Variants in DENND1B observed in about 807,000 individuals in gnomAD.
DENND1B encodes the protein DENN domain containing 1B, also known as DENN domain-containing protein 1B.
Under a neutral mutation model 90.1 loss-of-function variants are expected in DENND1B, and 59 were observed. The observed-to-expected ratio is 0.65, with a 90% CI of 0.53 to 0.81. DENND1B has a LOEUF of 0.81. DENND1B is among the 40% of genes least tolerant of loss of function. DENND1B has a pLI of 0.00. For missense variants in DENND1B, 862 were observed against 912.6 expected (o/e 0.94, Z 0.71); for synonymous variants, 337 against 324.6 (o/e 1.04, Z -0.41).
Position 197,772,650 on chromosome 1 carries a change from T to C in DENND1B, c.82+218A>G, listed in dbSNP as rs188458559. On this transcript the variant is annotated intron_variant, in intron 2 of 22. Transcript: ENST00000620048. ...CCAGCCTGGGCAACGTGGTGAACCC[T>C]GTCTCCACAAAAAAATATACAAAAA... is the stretch of plus-strand genomic sequence containing the variant. Among the ~76,000 whole-genome samples, 601 of 152,258 alleles carry C rather than the reference T, an allele frequency of 3.9e-3. 3 individuals carry two copies. The highest frequency in any genetic ancestry group is 0.014 in the African/African-American group (574 of 41,544).
chr1:197,583,066 G>C, intron 15 of DENND1B, 86 bp downstream of exon 15: 15 of 1,249,630 alleles, frequency 1.2e-5, no homozygotes, highest in Non-Finnish European at 1.6e-5. Flanking sequence ...TGCTACTCAG[G>C]GTTTGTACAT....
intron 2 of DENND1B, among the ~76,000 whole-genome samples, chr1:197,759,397 CAT>C (rs1654726588): frequency 6.7e-6 from 1 of 149,194 alleles, no homozygotes. Context: ...TTTAAAGTAA[CAT>C]AAAAATATTA....
intron 18 of DENND1B, among the ~76,000 whole-genome samples, chr1:197,543,368 C>T (rs1352763948): frequency 3.3e-5 from 5 of 151,976 alleles, no homozygotes; most frequent in South Asian, 2.1e-4. Context: ...TTCATTGCTG[C>T]GCTTTTGTGA....
chr1:197,778,118 T>C (rs1279873390), upstream of DENND1B, among the ~76,000 whole-genome samples: 1 of 152,228 alleles, frequency 6.6e-6, no homozygotes, highest in East Asian at 1.9e-4. Flanking sequence ...AATTTCTATA[T>C]CTACCTAATA....
chr1:197,660,426 C>A (rs1654295950), intron 5 of DENND1B, among the ~76,000 whole-genome samples: 1 of 151,930 alleles, frequency 6.6e-6, no homozygotes, highest in African/African-American at 2.4e-5. Flanking sequence ...TATCATATAG[C>A]TATAGTCATT....
At position 197,652,252 on chromosome 1, in the gene DENND1B, G is replaced by A. The variant is rs1420223535; in HGVS notation, c.430C>T (p.Pro144Ser). 4 of 1,609,902 alleles carry A rather than the reference G, an allele frequency of 2.5e-6. No individual in the cohort carries two copies. Among genetic ancestry groups the A allele is most frequent in the Admixed American group, 3.4e-5 (2 of 59,302 alleles). Residue 144 changes from proline (P) to serine (S), a missense_variant, in exon 7 of 23, where the codon CCT becomes TCT. Physicochemically the swap from Pro to Ser is moderately conservative, Grantham distance 74. Transcript: ENST00000620048. ...ATACTTACCACACTCAAATTTACAG[G>A]AGTATTTGCCTTTGGTACTGGGTGG... is the stretch of plus-strand genomic sequence containing the variant. ...YNHPVPKANTPVNLSVNQEIF... is the reference protein window; with the variant it reads ...YNHPVPKANTSVNLSVNQEIF...
intron 14 of DENND1B, among the ~76,000 whole-genome samples, chr1:197,587,763 A>G (rs1328380594): frequency 2.6e-5 from 4 of 152,082 alleles, no homozygotes; most frequent in Non-Finnish European, 4.4e-5. Context: ...TGTGTACTTT[A>G]TTTATATTAT....
At chr1:197,701,812 G>GT (rs1226704411) in intron 3 of DENND1B, among the ~76,000 whole-genome samples, 9 of 152,050 alleles carry the variant, frequency 5.9e-5, no homozygotes, top group African/African-American at 1.7e-4. Context: ...TTAAAATTTG[G>GT]TAAAATTTTT....
At chr1:197,599,299 A>T (rs1364234616) in intron 13 of DENND1B, among the ~76,000 whole-genome samples, 1 of 151,858 alleles carries the variant, frequency 6.6e-6, no homozygotes, top group Admixed American at 6.6e-5. Context: ...TTTAGATGTG[A>T]TTTCTAGATA....
intron 10 of DENND1B, among the ~76,000 whole-genome samples, chr1:197,626,335 G>C (rs1277656361): frequency 2.0e-5 from 3 of 152,112 alleles, no homozygotes; most frequent in Non-Finnish European, 4.4e-5. Flanking sequence ...TCAGACCACA[G>C]GGCAATCGAA....
At chr1:197,525,618 C>CA (rs1369914044) in intron 20 of DENND1B, among the ~76,000 whole-genome samples, 1 of 152,016 alleles carries the variant, frequency 6.6e-6, no homozygotes, top group Non-Finnish European at 1.5e-5. Flanking sequence ...ATATTATTTT[C>CA]AATCACCTTA....
At chr1:197,601,328 A>G (rs1419039430) in intron 13 of DENND1B, among the ~76,000 whole-genome samples, 2 of 151,744 alleles carry the variant, frequency 1.3e-5, no homozygotes, top group African/African-American at 4.8e-5. Context: ...AGTATCTGTG[A>G]TGGTGCTCAG....
intron 16 of DENND1B, among the ~76,000 whole-genome samples, chr1:197,548,111 G>T (rs144860953): frequency 7.2e-5 from 11 of 152,256 alleles, no homozygotes; most frequent in Non-Finnish European, 1.3e-4. Context: ...GAACCACAAA[G>T]AAACTAGCTA....
intron 2 of DENND1B, among the ~76,000 whole-genome samples, chr1:197,754,659 C>CAAAAAAAAAAAAAAAAAAA (rs57926782): frequency 1.6e-4 from 12 of 72,880 alleles, no homozygotes; most frequent in South Asian, 5.7e-4. Flanking sequence ...GACTCTGTCT[C>CAAAAAAAAAAAAAAAAAAA]AAAAAAAAAA....
At chr1:197,558,294 C>A (rs933813605) in intron 15 of DENND1B, among the ~76,000 whole-genome samples, 1 of 148,804 alleles carries the variant, frequency 6.7e-6, no homozygotes, top group Non-Finnish European at 1.5e-5. Flanking sequence ...AGATATTATC[C>A]CATAGTATGG....
intron 3 of DENND1B, chr1:197,689,031 T>C (rs553121969): frequency 1.1e-4 from 23 of 215,412 alleles, no homozygotes; most frequent in Middle Eastern, 2.7e-3. Flanking sequence ...GTGACTATCA[T>C]TGATGCCCCA....
At chr1:197,615,698 T>C (rs1677584656) in intron 11 of DENND1B, among the ~76,000 whole-genome samples, 1 of 150,928 alleles carries the variant, frequency 6.6e-6, no homozygotes, top group East Asian at 2.0e-4. Context: ...CTGATGGCTA[T>C]TCTTTAAAAA....
At chr1:197,750,619 T>A (rs1047868828) in intron 2 of DENND1B, among the ~76,000 whole-genome samples, 1 of 150,370 alleles carries the variant, frequency 6.7e-6, no homozygotes, top group Admixed American at 6.7e-5. Flanking sequence ...GATAAAGATA[T>A]AGACATAGTT....
intron 10 of DENND1B, among the ~76,000 whole-genome samples, chr1:197,626,702 C>T (rs186546238): frequency 1.5e-3 from 224 of 151,374 alleles, no homozygotes; most frequent in Admixed American, 2.6e-3. Flanking sequence ...GAAATAGAGA[C>T]ACAAAAAAAA....
Sources: allele counts gnomAD v4.1 joint callset (sites outside exome capture counted in the v4.1 genomes callset), GRCh38; gene constraint gnomAD v4.1.1; transcripts MANE v1.5; gene names NCBI Gene and HGNC (gene_info 2026-07-23, HGNC 2026-07-21).